ANKRD36B: variants seen among roughly 807,000 people sequenced by gnomAD.
The protein encoded by ANKRD36B is ankyrin repeat domain 36B.
In ANKRD36B, 37 loss-of-function variants were observed where a neutral mutation model predicts 135.7. The ratio of observed to expected loss-of-function variants is 0.27; its 90% CI spans 0.21 to 0.36. ANKRD36B has a LOEUF of 0.36. Ranked by LOEUF, ANKRD36B falls within the 10% of genes least tolerant of loss-of-function variation. The probability of loss-of-function intolerance (pLI) is 1.00; values close to 1 mark genes in which losing one functional copy is unlikely to be tolerated. For synonymous variants in ANKRD36B, 179 were observed against 348.1 expected (o/e 0.51, Z 5.41); for missense variants, 549 against 1,037.1 (o/e 0.53, Z 6.46).
chr2:97,558,185 C>T (rs2080699975), intron 10 of ANKRD36B, among the ~76,000 whole-genome samples: 1 of 151,984 alleles, frequency 6.6e-6, no homozygotes, highest in Admixed American at 6.6e-5. Context: ...TGTGGTTTAT[C>T]CCAGTTCTAG....
intron 4 of ANKRD36B, among the ~76,000 whole-genome samples, chr2:97,579,659 T>TTATCTATAAATATATATTGTATATATTA: frequency 6.9e-6 from 1 of 144,124 alleles, no homozygotes; most frequent in Middle Eastern, 3.6e-3. Context: ...ATATTATATA[T>TTATCTATAAATATATATTGTATATATTA]TATCTATAAA....
chr2:97,514,904 T>A (rs1576787169), intron 37 of ANKRD36B, among the ~76,000 whole-genome samples: 2 of 66,952 alleles, frequency 3.0e-5, no homozygotes, highest in African/African-American at 4.5e-5. Flanking sequence ...ACTGGATACA[T>A]TTTTTTTTTT....
intron 6 of ANKRD36B, among the ~76,000 whole-genome samples, chr2:97,569,893 A>G (rs1307298793): frequency 2.0e-5 from 3 of 152,134 alleles, no homozygotes; most frequent in Non-Finnish European, 2.9e-5. Flanking sequence ...ACTTAACTGT[A>G]TTAACAGGCA....
At chr2:97,560,802 A>T in intron 7 of ANKRD36B, 30 bp downstream of exon 7, 3 of 1,583,564 alleles carry the variant, frequency 1.9e-6, no homozygotes, top group East Asian at 2.2e-5. Context: ...TACAGTTAAT[A>T]GTTCAACATA....
chr2:97,581,678 T>C (rs2082642699), intron 3 of ANKRD36B, among the ~76,000 whole-genome samples: 1 of 152,204 alleles, frequency 6.6e-6, no homozygotes, highest in Non-Finnish European at 1.5e-5. Context: ...ACTTATTTTA[T>C]TTTAGGTAAA....
At position 97,536,866 on chromosome 2, in the gene ANKRD36B, A is replaced by T. The variant is rs1576872216; in HGVS notation, c.2090-370T>A. ...TGCTAACTGCGACTACATGACTTTC[A>T]TACAAGACATCAGAAGGCTTTATAC... On this transcript the variant is annotated intron_variant, in intron 32 of 43. Coordinates refer to ENST00000359901, the MANE Select transcript of ANKRD36B (RefSeq NM_001393939.1). Among the ~76,000 whole-genome samples, 4 of 97,374 alleles carry T rather than the reference A, an allele frequency of 4.1e-5. 1 individual carries two copies. 63.9% of individuals were successfully genotyped at this position (97,374 alleles called of 152,430 possible).
chr2:97,580,018 T>TA (rs1196887429), intron 4 of ANKRD36B, among the ~76,000 whole-genome samples: 1 of 152,246 alleles, frequency 6.6e-6, no homozygotes, highest in African/African-American at 2.4e-5. Flanking sequence ...TTTATCCATC[T>TA]AAAGCTATCT....
At chr2:97,584,496 C>G (rs1426415869) in intron 3 of ANKRD36B, among the ~76,000 whole-genome samples, 3 of 151,996 alleles carry the variant, frequency 2.0e-5, no homozygotes, top group Non-Finnish European at 4.4e-5. Context: ...ATGAAATCAC[C>G]TTCACATACA....
intron 20 of ANKRD36B, among the ~76,000 whole-genome samples, chr2:97,548,805 C>T (rs531291374): frequency 1.2e-4 from 19 of 152,058 alleles, no homozygotes; most frequent in African/African-American, 4.3e-4. Context: ...TTTCCTTCTT[C>T]CAGCAGTTCC....
rs868616899 is a variant in ANKRD36B at position 97,584,229 on chromosome 2, C to T, written c.450+715G>A. Among the ~76,000 whole-genome samples, 65 of 107,752 alleles carry T rather than the reference C, an allele frequency of 6.0e-4. No homozygotes were observed. The Middle Eastern group carries it at 0.011, about 19-fold the overall frequency. The allele number at this position is 107,752 out of a possible 152,430, so 70.7% of individuals were successfully genotyped here. The stretch of plus-strand genomic sequence containing the variant: ...CTATTCACTGCCAACCTGGTTTCCT[C>T]AGAGTCTTACCAAAATTGATCCCTG... On this transcript the variant is annotated intron_variant, in intron 3 of 43. Transcript: ENST00000359901.
chr2:97,521,634 A>C (rs2077951008), intron 36 of ANKRD36B, among the ~76,000 whole-genome samples: 1 of 96,120 alleles, frequency 1.0e-5, no homozygotes, highest in South Asian at 2.3e-4. Context: ...TTGGCAATCA[A>C]AAAGTCTGGG....
intron 20 of ANKRD36B, 34 bp from the exon 21 acceptor site, chr2:97,547,765 T>A: frequency 6.5e-7 from 1 of 1,545,996 alleles, no homozygotes; most frequent in South Asian, 1.2e-5. Context: ...ATCACTCATA[T>A]GTAAAAATGA....
chr2:97,569,835 A>G (rs10191071), intron 6 of ANKRD36B, among the ~76,000 whole-genome samples: 84,548 of 151,862 alleles, frequency 0.56, 25,173 homozygotes, highest in Non-Finnish European at 0.67. Context: ...AACACAATAT[A>G]AATATTCTCT....
chr2:97,496,362 A>C (rs1009939010), intron 43 of ANKRD36B, among the ~76,000 whole-genome samples: 4 of 82,066 alleles, frequency 4.9e-5, no homozygotes, highest in Admixed American at 4.4e-4. Context: ...GTGCAAGGTA[A>C]AGCAGCCAGT....
chr2:97,570,365 C>A (rs917725921), intron 6 of ANKRD36B, among the ~76,000 whole-genome samples: 5 of 152,180 alleles, frequency 3.3e-5, no homozygotes, highest in Admixed American at 3.3e-4. Context: ...GAAAGGCCTA[C>A]ATGCAAAACT....
chr2:97,513,096 A>G (rs1234944487), intron 38 of ANKRD36B, 84 bp downstream of exon 38: 2 of 1,430,164 alleles, frequency 1.4e-6, no homozygotes, highest in Non-Finnish European at 1.8e-6. Context: ...GTTCAGGCCT[A>G]AATAATATAT....
intron 30 of ANKRD36B, chr2:97,539,609 T>C (rs2079048402): frequency 1.0e-5 from 1 of 98,614 alleles, no homozygotes; most frequent in Non-Finnish European, 2.7e-5. Flanking sequence ...ACATCAGCGG[T>C]CTCGTTAGTT....
intron 6 of ANKRD36B, among the ~76,000 whole-genome samples, chr2:97,567,771 C>A (rs4086889): frequency 0.5 from 75,428 of 151,946 alleles, 21,712 homozygotes; most frequent in Non-Finnish European, 0.66. Context: ...AGTGCATACA[C>A]ATTATATATG....
intron 22 of ANKRD36B, among the ~76,000 whole-genome samples, chr2:97,546,694 A>C (rs1340910703): frequency 1.3e-5 from 2 of 151,850 alleles, no homozygotes; most frequent in Admixed American, 6.6e-5. Context: ...ATTCAACATC[A>C]TTTTTGTTTC....
Sources: allele counts gnomAD v4.1 joint callset (sites outside exome capture counted in the v4.1 genomes callset), GRCh38; gene constraint gnomAD v4.1.1; transcripts MANE v1.5; gene names NCBI Gene and HGNC (gene_info 2026-07-23, HGNC 2026-07-21).